VKORC1: variants seen among roughly 807,000 people sequenced by gnomAD.
The protein encoded by VKORC1 is phylloquinone epoxide reductase.
Under a neutral mutation model 14.8 loss-of-function variants are expected in VKORC1, and 12 were observed. That is an observed-to-expected ratio of 0.81 (90% CI 0.52 to 1.31). The LOEUF is 1.31. VKORC1 is among the 50% of genes most tolerant of loss of function. VKORC1 has a pLI of 0.00. For synonymous variants in VKORC1, 94 were observed against 92.5 expected (o/e 1.02, Z -0.09); for missense variants, 223 against 215.3 (o/e 1.04, Z -0.22).
chr16:31,093,722 T>TTTTG (rs2057306577), intron 1 of VKORC1: 1 of 415,530 alleles, frequency 2.4e-6, no homozygotes, highest in African/African-American at 2.2e-5. Context: ...TTTTTTTTTT[T>TTTTG]TTTTGAGACG....
At chr16:31,094,410 G>A (rs376985656) in intron 1 of VKORC1, 147 bp downstream of exon 1, 1 of 1,612,792 alleles carries the variant, frequency 6.2e-7, no homozygotes, top group African/African-American at 1.3e-5. Context: ...CAGTATCGCT[G>A]GGTAGCTCAG....
chr16:31,094,136 C>T (rs2057311118), intron 1 of VKORC1: 10 of 1,535,968 alleles, frequency 6.5e-6, no homozygotes, highest in Admixed American at 1.8e-5. Flanking sequence ...TCACTCGCCT[C>T]CTCTGTATTC....
In VKORC1 at chr16:31,091,000, C is replaced by T. The variant is rs7294; in HGVS notation, c.*134G>A. 0.39 allele frequency: 558,160 copies of T among 1,426,034 alleles called. 115,871 individuals are homozygous for T. Among genetic ancestry groups the T allele is most frequent in the South Asian group, 0.69 (54,341 of 79,020 alleles). The allele number at this position is 1,426,034 out of a possible 1,614,324, so 88.3% of individuals were successfully genotyped here. A position where few individuals can be genotyped will look rare whatever the true frequency, so the allele number is the denominator to read the frequency against. ...GGCACATTTGGTCCATTGTCATGTG[C>T]GGGTATGGCAGGAGGAGGGGGTAAT... On this transcript the variant is annotated 3_prime_UTR_variant, in exon 3 of 3. Coordinates refer to ENST00000394975, the MANE Select transcript of VKORC1 (RefSeq NM_024006.6).
chr16:31,093,521 T>C, intron 1 of VKORC1, 100 bp from the exon 2 acceptor site: 1 of 1,580,192 alleles, frequency 6.3e-7, no homozygotes, highest in African/African-American at 1.3e-5. Context: ...CCACCTGGGC[T>C]ATCCTCTGTT....
Position 31,091,114 on chromosome 16 carries a change from G to C in VKORC1, c.*20C>G. 1 of 1,612,528 alleles carries C rather than the reference G, an allele frequency of 6.2e-7. No homozygotes were observed. Among genetic ancestry groups the C allele is most frequent in the Non-Finnish European group, 8.5e-7 (1 of 1,179,892 alleles). On this transcript the variant is annotated 3_prime_UTR_variant, in exon 3 of 3. Transcript: ENST00000394975. Reference sequence around the variant, plus strand: ...TGCCAAAGCAAAGCAGATGAGGTCAGCCTGGCTTGGGTTGAGGGCTCAGTG... The same window carrying C: ...TGCCAAAGCAAAGCAGATGAGGTCACCCTGGCTTGGGTTGAGGGCTCAGTG...
chr16:31,094,447 T>G, intron 1 of VKORC1, 110 bp downstream of exon 1: 1 of 1,612,918 alleles, frequency 6.2e-7, no homozygotes, highest in Non-Finnish European at 8.5e-7. Flanking sequence ...CCGCGAGCAG[T>G]CCAGCCCCGT....
Position 31,094,658 on chromosome 16 carries a change from G to C in VKORC1, c.72C>G (p.Leu24=). 1 of 1,607,776 alleles carries C rather than the reference G, an allele frequency of 6.2e-7. No individual in the cohort carries two copies. The highest frequency in any genetic ancestry group is 8.5e-7 in the Non-Finnish European group (1 of 1,178,640). The change falls in exon 1 of 3, where the codon CTC becomes CTG. Residue 24 remains leucine, a synonymous_variant. Coordinates refer to ENST00000394975, the MANE Select transcript of VKORC1 (RefSeq NM_024006.6). ...GCGCCGCCTTCACGTGCAGCGCGTA[G>C]AGCGAGAGCACTAAGCCCGTCAGGC... ...ALCLTGLVLS[L]YALHVKAARA...
At chr16:31,094,107 T>C in intron 1 of VKORC1, 1 of 1,480,960 alleles carries the variant, frequency 6.8e-7, no homozygotes, top group East Asian at 2.3e-5. Context: ...GACCCCAGAA[T>C]CTCCAGCTCC....
chr16:31,093,252 G>A, intron 2 of VKORC1, 60 bp downstream of exon 2: 3 of 1,514,658 alleles, frequency 2.0e-6, no homozygotes, highest in Non-Finnish European at 1.8e-6. Context: ...GTGGGGCTGA[G>A]CTGACCAAGG....
intron 2 of VKORC1, 74 bp downstream of exon 2, chr16:31,093,238 T>A: frequency 7.9e-7 from 1 of 1,266,954 alleles, no homozygotes. Flanking sequence ...CAAGATTGCA[T>A]GGAGTGGGGC....
chr16:31,092,379 T>C (rs1229275993), intron 2 of VKORC1, among the ~76,000 whole-genome samples: 2 of 151,302 alleles, frequency 1.3e-5, no homozygotes, highest in African/African-American at 4.9e-5. Flanking sequence ...GGGACTGGTC[T>C]CTGAAGCTCT....
intron 2 of VKORC1, among the ~76,000 whole-genome samples, chr16:31,091,749 T>C (rs1414679957): frequency 6.6e-6 from 1 of 151,920 alleles, no homozygotes; most frequent in Non-Finnish European, 1.5e-5. Context: ...TAGCCGGGTG[T>C]GTTGATGGGC....
rs2057286069 is a variant in VKORC1, at chr16:31,091,114, G to A, written c.*20C>T. 3.7e-6 allele frequency: 6 copies of A among 1,612,528 alleles called. No homozygotes were observed. Among genetic ancestry groups the A allele is most frequent in the African/African-American group, 1.3e-5 (1 of 74,994 alleles). On this transcript the variant is annotated 3_prime_UTR_variant, in exon 3 of 3. Coordinates refer to ENST00000394975, the MANE Select transcript of VKORC1 (RefSeq NM_024006.6). ...TGCCAAAGCAAAGCAGATGAGGTCA[G>A]CCTGGCTTGGGTTGAGGGCTCAGTG...
At position 31,091,323 on chromosome 16, in the gene VKORC1, C is replaced by T. The variant is rs1310643970; in HGVS notation, c.303G>A (p.Trp101Ter). 2 of 1,613,798 alleles carry T rather than the reference C, an allele frequency of 1.2e-6. No individual in the cohort carries two copies. The highest frequency in any genetic ancestry group is 8.5e-7 in the Non-Finnish European group (1 of 1,179,962). The change falls in exon 3 of 3, where the codon TGG (tryptophan) becomes TGA (stop). Residue 101 changes from tryptophan (W) to a stop codon, truncating the protein, a stop_gained. Transcript: ENST00000394975. LOFTEE classifies it high-confidence loss of function. Reference protein sequence around the residue: ...QLLLGCLRTRWASVLMLLSSL... With the variant: ...QLLLGCLRTR The stretch of plus-strand genomic sequence containing the variant: ...AGCTCAGCAGCATCAGGACAGAGGC[C>T]CAGCGTGTCCGCAGGCAACCTGCAA...
chr16:31,092,658 A>T, intron 2 of VKORC1: 2 of 1,193,886 alleles, frequency 1.7e-6, no homozygotes, highest in Non-Finnish European at 2.1e-6. Context: ...TTATGGGACT[A>T]GATACAAATT....
intron 1 of VKORC1, chr16:31,094,095 T>C: frequency 1.4e-6 from 2 of 1,434,064 alleles, no homozygotes; most frequent in Non-Finnish European, 1.9e-6. Context: ...ATCTTTGCCC[T>C]GGACCCCAGA....
At position 31,093,843 on chromosome 16, in the gene VKORC1, G is replaced by A. The variant is rs546871036; in HGVS notation, c.174-422C>T. 5.2e-4 allele frequency: 147 copies of A among 283,850 alleles called. 2 individuals carry two copies. The highest frequency in any genetic ancestry group is 7.9e-4 in the Non-Finnish European group (118 of 148,572). 17.6% of individuals were successfully genotyped at this position (283,850 alleles called of 1,614,324 possible). A position where few individuals can be genotyped will look rare whatever the true frequency, so the allele number is the denominator to read the frequency against. On this transcript the variant is annotated intron_variant, in intron 1 of 2. Transcript: ENST00000394975. ...TGCCTTAGCCCCCCCGAGTAGCTGGGATTAAGGCACCCGCCATAGCGCCCG... is the reference window on the plus strand; with the variant it reads ...TGCCTTAGCCCCCCCGAGTAGCTGGAATTAAGGCACCCGCCATAGCGCCCG...
intron 2 of VKORC1, chr16:31,092,775 T>G (rs1410350386): frequency 1.6e-6 from 2 of 1,281,768 alleles, no homozygotes; most frequent in Non-Finnish European, 2.0e-6. Flanking sequence ...TGGGGCATGG[T>G]AGCTCACGCC....
rs2057286371 is a variant in VKORC1 at position 31,091,135 on chromosome 16, C to T, written c.491G>A (p.Ter164=). Residue 164 remains the stop codon, a stop_retained_variant, in exon 3 of 3, where the codon TGA becomes TAA. Coordinates refer to ENST00000394975, the MANE Select transcript of VKORC1 (RefSeq NM_024006.6). ...QEPQGKAKRH[*] Reference sequence around the variant, plus strand: ...GTCAGCCTGGCTTGGGTTGAGGGCTCAGTGCCTCTTAGCCTTGCCCTGGGG... The same window carrying T: ...GTCAGCCTGGCTTGGGTTGAGGGCTTAGTGCCTCTTAGCCTTGCCCTGGGG... The T allele has an allele frequency of 1.2e-6, 2 of 1,613,258 alleles. No individual in the cohort carries two copies. Among genetic ancestry groups the T allele is most frequent in the Admixed American group, 1.7e-5 (1 of 59,996 alleles).
Sources: gnomAD v4.1 joint callset for allele counts (sites outside exome capture counted in the v4.1 genomes callset) on GRCh38, gnomAD v4.1.1 for gene constraint, MANE v1.5 for transcripts, NCBI Gene and HGNC (gene_info 2026-07-23, HGNC 2026-07-21) for gene names.